BAZ2B: variants seen among roughly 807,000 people sequenced by gnomAD.
The protein encoded by BAZ2B is bromodomain adjacent to zinc finger domain 2B, also known as bromodomain adjacent to zinc finger domain protein 2B.
BAZ2B carries 91 observed loss-of-function variants against 246.0 expected under a neutral mutation model. The ratio of observed to expected loss-of-function variants is 0.37; its 90% CI spans 0.31 to 0.44. The LOEUF is 0.44. Ranked by LOEUF, BAZ2B falls within the 20% of genes least tolerant of loss-of-function variation. The pLI is 1.00. For missense variants in BAZ2B, 2,332 were observed against 2,533.7 expected (o/e 0.92, Z 1.71); for synonymous variants, 855 against 860.0 (o/e 0.99, Z 0.10).
At chr2:159,652,579 C>T in the BAZ2B span, among the ~76,000 whole-genome samples, 2 of 152,126 alleles carry the variant, frequency 1.3e-5, no homozygotes, top group African/African-American at 2.4e-5. Flanking sequence ...TTCTGATTTG[C>T]GTTTCCCTAT....
At chr2:159,339,745 G>A (rs1228263075) in intron 31 of BAZ2B, among the ~76,000 whole-genome samples, 1 of 152,132 alleles carries the variant, frequency 6.6e-6, no homozygotes, top group Non-Finnish European at 1.5e-5. Flanking sequence ...TCATAAAGAA[G>A]AATGAAATCC....
chr2:159,539,630 GA>G (rs1393639982), intron 2 of BAZ2B, among the ~76,000 whole-genome samples: 1 of 152,102 alleles, frequency 6.6e-6, no homozygotes, highest in African/African-American at 2.4e-5. Context: ...CCAGCACTTG[GA>G]GTCAAAGGCT....
chr2:159,645,494 C>A, the BAZ2B span, among the ~76,000 whole-genome samples: 18 of 151,912 alleles, frequency 1.2e-4, no homozygotes, highest in Admixed American at 2.0e-4. Context: ...CAACCTAGAT[C>A]CCTCCCATGC....
At chr2:159,428,488 G>A in intron 11 of BAZ2B, 69 bp from the exon 12 acceptor site, 1 of 1,232,306 alleles carries the variant, frequency 8.1e-7, no homozygotes, top group Non-Finnish European at 1.2e-6. Context: ...TTAAAAATAA[G>A]TTAAAGTATA....
Position 159,348,661 on chromosome 2 carries a change from A to G in BAZ2B, c.5293+17T>C. On this transcript the variant is annotated intron_variant, in intron 30 of 36. Coordinates refer to ENST00000392783, the MANE Select transcript of BAZ2B (RefSeq NM_013450.4). Reference sequence around the variant, plus strand: ...ACTAAGCAAGAAAGAAAGCTGAAATATCTTTTAGGTACACACCATCCTTAT... The same window carrying G: ...ACTAAGCAAGAAAGAAAGCTGAAATGTCTTTTAGGTACACACCATCCTTAT... The G allele has an allele frequency of 1.3e-6, 2 of 1,575,308 alleles. No homozygotes were observed. The highest frequency in any genetic ancestry group is 1.7e-6 in the Non-Finnish European group (2 of 1,168,194).
chr2:159,691,603 T>C, the BAZ2B span, among the ~76,000 whole-genome samples: 2 of 152,198 alleles, frequency 1.3e-5, 1 homozygote, highest in Middle Eastern at 6.3e-3. Flanking sequence ...CACACCTCAA[T>C]CTATAGTACA....
At chr2:159,552,129 C>T (rs568493380) in intron 2 of BAZ2B, among the ~76,000 whole-genome samples, 2 of 152,274 alleles carry the variant, frequency 1.3e-5, no homozygotes, top group African/African-American at 2.4e-5. Flanking sequence ...AAGGGGAATG[C>T]AGAGTACTCT....
intron 1 of BAZ2B, among the ~76,000 whole-genome samples, chr2:159,606,899 T>C (rs1273308073): frequency 1.3e-5 from 2 of 148,908 alleles, no homozygotes; most frequent in African/African-American, 4.9e-5. Flanking sequence ...TCCTTTTTCA[T>C]ACTCTTTTTT....
At chr2:159,682,632 G>A in the BAZ2B span, among the ~76,000 whole-genome samples, 1 of 152,196 alleles carries the variant, frequency 6.6e-6, no homozygotes, top group African/African-American at 2.4e-5. Context: ...TCTTGGCTAT[G>A]GAAAATAGCA....
intron 2 of BAZ2B, among the ~76,000 whole-genome samples, chr2:159,510,488 T>C (rs1577948510): frequency 6.6e-6 from 1 of 152,160 alleles, no homozygotes; most frequent in East Asian, 1.9e-4. Context: ...TATTACTTAA[T>C]GGTTACAGAG....
chr2:159,332,727 A>G (rs2064985829), intron 33 of BAZ2B, 41 bp from the exon 34 acceptor site: 6 of 1,603,160 alleles, frequency 3.7e-6, no homozygotes, highest in East Asian at 2.2e-5. Context: ...ACGCTCTGCC[A>G]TGAATAATAG....
intron 2 of BAZ2B, among the ~76,000 whole-genome samples, chr2:159,528,377 A>G (rs1026752867): frequency 3.3e-5 from 5 of 152,204 alleles, no homozygotes; most frequent in Non-Finnish European, 7.3e-5. Flanking sequence ...TCTTTGTTAA[A>G]AACAGGCCGA....
intron 25 of BAZ2B, among the ~76,000 whole-genome samples, chr2:159,380,089 A>AT (rs2061828204): frequency 6.6e-6 from 1 of 152,124 alleles, no homozygotes; most frequent in African/African-American, 2.4e-5. Context: ...CTTCACCTTG[A>AT]TTGAAGCCCC....
At chr2:159,414,801 A>C (rs1236720711) in intron 13 of BAZ2B, among the ~76,000 whole-genome samples, 1 of 148,054 alleles carries the variant, frequency 6.8e-6, no homozygotes, top group Non-Finnish European at 1.5e-5. Flanking sequence ...TGGGTGACAG[A>C]GCGAGACTCC....
At chr2:159,539,563 A>C (rs533485351) in intron 2 of BAZ2B, among the ~76,000 whole-genome samples, 16 of 152,316 alleles carry the variant, frequency 1.1e-4, no homozygotes, top group African/African-American at 3.4e-4. Context: ...GGGATTATTA[A>C]AATCAACCAA....
the BAZ2B span, among the ~76,000 whole-genome samples, chr2:159,651,101 T>A: frequency 6.6e-6 from 1 of 152,220 alleles, no homozygotes; most frequent in Non-Finnish European, 1.5e-5. Flanking sequence ...CATAATGTTA[T>A]CAAGATACTT....
intron 2 of BAZ2B, among the ~76,000 whole-genome samples, chr2:159,547,591 AG>A (rs1280152260): frequency 3.9e-5 from 6 of 152,190 alleles, no homozygotes; most frequent in Non-Finnish European, 8.8e-5. Flanking sequence ...TGTTCTACAA[AG>A]TGTGAGTGGA....
Position 159,540,744 on chromosome 2 carries a change from T to A in BAZ2B, c.-3+15079A>T, listed in dbSNP as rs1370785889. On this transcript the variant is annotated intron_variant, in intron 2 of 36. Transcript: ENST00000392783. ...TTTCACTAAGTCTAAGACAAAACGA[T>A]ACTTGGAAACTATCTGGTATATAAG... Among the ~76,000 whole-genome samples, 13 of 152,312 alleles carry A rather than the reference T, an allele frequency of 8.5e-5. No homozygotes were observed. In the East Asian group the frequency reaches 2.3e-3, roughly 27 times the overall value.
intron 3 of BAZ2B, among the ~76,000 whole-genome samples, chr2:159,477,950 G>A (rs1389571052): frequency 6.6e-6 from 1 of 152,186 alleles, no homozygotes; most frequent in Non-Finnish European, 1.5e-5. Context: ...AGCTTCCTGA[G>A]TAGCCAGGAT....
Sources: gnomAD v4.1 joint callset for allele counts (sites outside exome capture counted in the v4.1 genomes callset) on GRCh38, gnomAD v4.1.1 for gene constraint, MANE v1.5 for transcripts, NCBI Gene and HGNC (gene_info 2026-07-23, HGNC 2026-07-21) for gene names.